Variants in RALGPS1 observed in about 807,000 individuals in gnomAD.
The protein encoded by RALGPS1 is ras-specific guanine nucleotide-releasing factor RalGPS1.
In RALGPS1, 19 loss-of-function variants were observed where a neutral mutation model predicts 78.8. The observed-to-expected ratio is 0.24, with a 90% confidence interval of 0.17 to 0.35. RALGPS1 has a LOEUF of 0.35. Ranked by LOEUF, RALGPS1 falls within the 10% of genes least tolerant of loss-of-function variation. RALGPS1 has a pLI of 1.00. For missense variants in RALGPS1, 454 were observed against 688.3 expected (o/e 0.66, Z 3.81); for synonymous variants, 228 against 256.3 (o/e 0.89, Z 1.06).
At chr9:127,019,200 ACAGT>A (rs2045202937) in intron 4 of RALGPS1, among the ~76,000 whole-genome samples, 1 of 152,198 alleles carries the variant, frequency 6.6e-6, no homozygotes, top group Admixed American at 6.5e-5. Context: ...GAGTTAAGAA[ACAGT>A]CACTCAAATC....
chr9:127,214,666 C>T (rs915548927), intron 17 of RALGPS1, 85 bp from the exon 18 acceptor site: 2 of 1,527,360 alleles, frequency 1.3e-6, no homozygotes, highest in East Asian at 2.4e-5. Flanking sequence ...TTTAGTTACC[C>T]GTGTTTACAT....
chr9:127,018,508 C>G (rs752601129), intron 4 of RALGPS1, among the ~76,000 whole-genome samples: 66 of 151,984 alleles, frequency 4.3e-4, no homozygotes, highest in Middle Eastern at 3.4e-3. Flanking sequence ...GTGGCGCGTA[C>G]CTGGAGTCCC....
Position 126,977,749 on chromosome 9 carries a change from T to A in RALGPS1, c.216+4T>A. On this transcript the variant is annotated splice_donor_region_variant and intron_variant, in intron 4 of 18. Coordinates refer to ENST00000259351, the MANE Select transcript of RALGPS1 (RefSeq NM_014636.3). ...GTTTAAAGCTATCCAGCCGGAGGTC[T>A]GTACTTTGTCTTTCTACTCTTCTAT... 1 of 1,598,110 alleles carries A rather than the reference T, an allele frequency of 6.3e-7. No homozygotes were observed. The highest frequency in any genetic ancestry group is 8.5e-7 in the Non-Finnish European group (1 of 1,169,720).
chr9:127,135,212 G>GT (rs2057311145), intron 8 of RALGPS1, among the ~76,000 whole-genome samples: 1 of 152,198 alleles, frequency 6.6e-6, no homozygotes, highest in Non-Finnish European at 1.5e-5. Flanking sequence ...ACTGGTGGCT[G>GT]TTTCTAGTAT....
chr9:127,162,658 G>A (rs940237033), intron 8 of RALGPS1, among the ~76,000 whole-genome samples: 6 of 152,182 alleles, frequency 3.9e-5, no homozygotes, highest in African/African-American at 1.4e-4. Context: ...TTGAGGAGTA[G>A]GCAGGTGTGG....
chr9:126,993,444 T>G (rs2042447478), intron 4 of RALGPS1, among the ~76,000 whole-genome samples: 1 of 152,204 alleles, frequency 6.6e-6, no homozygotes, highest in Non-Finnish European at 1.5e-5. Flanking sequence ...AAGAAGAGTT[T>G]GTATAGAATT....
intron 8 of RALGPS1, among the ~76,000 whole-genome samples, chr9:127,128,680 C>G (rs965117265): frequency 6.6e-6 from 1 of 152,206 alleles, no homozygotes; most frequent in Non-Finnish European, 1.5e-5. Context: ...TGGTCCCCTC[C>G]TCTCTTGAAG....
chr9:127,034,650 C>G, intron 5 of RALGPS1, 136 bp downstream of exon 5: 1 of 726,762 alleles, frequency 1.4e-6, no homozygotes, highest in South Asian at 1.6e-5. Flanking sequence ...GAGTCCCCCA[C>G]CTTTATCCAG....
intron 1 of RALGPS1, among the ~76,000 whole-genome samples, chr9:126,955,095 A>G (rs533808966): frequency 6.6e-6 from 1 of 152,344 alleles, no homozygotes; most frequent in South Asian, 2.1e-4. Context: ...TCGCATCTGT[A>G]GAGAGTCCTT....
chr9:127,049,930 C>T, intron 5 of RALGPS1, 113 bp from the exon 6 acceptor site: 1 of 782,864 alleles, frequency 1.3e-6, no homozygotes, highest in South Asian at 1.5e-5. Flanking sequence ...CTCCCAGTTT[C>T]CTGACCTCTT....
intron 8 of RALGPS1, chr9:127,069,896 A>T (rs2050042497): frequency 6.6e-6 from 1 of 152,066 alleles, no homozygotes. Context: ...ATGTATGCTT[A>T]CTCTATCCTA....
At chr9:126,994,769 G>T (rs1451629298) in intron 4 of RALGPS1, among the ~76,000 whole-genome samples, 2 of 151,034 alleles carry the variant, frequency 1.3e-5, no homozygotes, top group Non-Finnish European at 1.5e-5. Flanking sequence ...AATGTTAAGG[G>T]CAGCCAGAGA....
At chr9:126,939,893 G>GA (rs1316981514) in intron 1 of RALGPS1, among the ~76,000 whole-genome samples, 1 of 152,244 alleles carries the variant, frequency 6.6e-6, no homozygotes, top group Non-Finnish European at 1.5e-5. Context: ...GGAGGGGAAG[G>GA]AAACAGTATT....
chr9:127,115,379 A>G (rs1589567318), intron 8 of RALGPS1, among the ~76,000 whole-genome samples: 2 of 152,268 alleles, frequency 1.3e-5, no homozygotes, highest in Admixed American at 1.3e-4. Flanking sequence ...TAGTAGAGAC[A>G]GGGTTTCGCC....
chr9:127,069,776 G>A (rs933611379), intron 8 of RALGPS1: 1 of 153,208 alleles, frequency 6.5e-6, no homozygotes, highest in African/African-American at 2.4e-5. Context: ...TTTCTGGTTA[G>A]AAAATAATGC....
chr9:127,062,476 CATTG>C (rs1034019889), intron 7 of RALGPS1, among the ~76,000 whole-genome samples: 94 of 152,094 alleles, frequency 6.2e-4, no homozygotes, highest in Non-Finnish European at 1.9e-4. Context: ...TTATTTAACT[CATTG>C]ATTAAGAGAG....
intron 7 of RALGPS1, among the ~76,000 whole-genome samples, chr9:127,067,714 C>A (rs2049840953): frequency 6.6e-6 from 1 of 152,180 alleles, no homozygotes; most frequent in Admixed American, 6.5e-5. Context: ...GGACTCCAAC[C>A]CTGGGGCTTC....
chr9:126,953,374 C>CGT (rs10665183), intron 1 of RALGPS1, among the ~76,000 whole-genome samples: 26,112 of 150,076 alleles, frequency 0.17, 2,920 homozygotes, highest in East Asian at 0.43. Flanking sequence ...CACGTGCATG[C>CGT]GTGTGTGTGT....
At chr9:127,057,200 A>G (rs1212638597) in intron 7 of RALGPS1, among the ~76,000 whole-genome samples, 1 of 152,194 alleles carries the variant, frequency 6.6e-6, no homozygotes, top group Non-Finnish European at 1.5e-5. Context: ...CAGGCTGGGC[A>G]CAGGGCAGGG....
Sources: allele counts gnomAD v4.1 joint callset (sites outside exome capture counted in the v4.1 genomes callset), GRCh38; gene constraint gnomAD v4.1.1; transcripts MANE v1.5; gene names NCBI Gene and HGNC (gene_info 2026-07-23, HGNC 2026-07-21).